Variants in XKR9 observed in about 807,000 individuals in gnomAD.
XKR9 encodes XK-related protein 9.
A neutral mutation model predicts 32.0 loss-of-function variants in XKR9; 32 were observed. The ratio of observed to expected loss-of-function variants is 1.00; its 90% CI spans 0.76 to 1.34. The LOEUF (loss-of-function observed/expected upper bound fraction) is 1.34, where lower values mean the gene tolerates loss of function less well. Among genes scored for constraint, XKR9 ranks in the 40% most tolerant of loss-of-function variants. The probability of loss-of-function intolerance (pLI) is 0.00; values close to 1 mark genes in which losing one functional copy is unlikely to be tolerated. For missense variants in XKR9, 546 were observed against 429.7 expected, an observed-to-expected ratio of 1.27 and a Z score of -2.39; for synonymous variants, 168 against 143.4, an observed-to-expected ratio of 1.17 and a Z score of -1.22.
intron 2 of XKR9, among the ~76,000 whole-genome samples, chr8:70,782,644 A>G (rs1487952714): frequency 1.3e-5 from 2 of 152,016 alleles, no homozygotes; most frequent in Non-Finnish European, 1.5e-5. Context: ...TGATTGTTTT[A>G]GATTTCACAT....
At chr8:70,876,482 T>G in the XKR9 span, among the ~76,000 whole-genome samples, 1 of 152,134 alleles carries the variant, frequency 6.6e-6, no homozygotes, top group Admixed American at 6.6e-5. Flanking sequence ...CTCTTGACTC[T>G]TGCATAGAAT....
the XKR9 span, among the ~76,000 whole-genome samples, chr8:70,958,008 A>T: frequency 6.6e-6 from 1 of 151,904 alleles, no homozygotes; most frequent in Non-Finnish European, 1.5e-5. Context: ...GGCTGGTCTT[A>T]AACTCTCGAT....
At chr8:70,882,293 C>G in the XKR9 span, among the ~76,000 whole-genome samples, 1 of 151,402 alleles carries the variant, frequency 6.6e-6, no homozygotes, top group Non-Finnish European at 1.5e-5. Context: ...CTTTTATTTA[C>G]AAAAATATTT....
At chr8:70,714,324 A>T (rs1019949804) in intron 4 of XKR9, among the ~76,000 whole-genome samples, 17 of 152,256 alleles carry the variant, frequency 1.1e-4, no homozygotes, top group African/African-American at 4.1e-4. Context: ...TTAAAACAAG[A>T]AAATAAATTA....
chr8:70,906,104 C>T, the XKR9 span, among the ~76,000 whole-genome samples: 5 of 152,176 alleles, frequency 3.3e-5, no homozygotes, highest in African/African-American at 9.6e-5. Context: ...GCAGTCTGTC[C>T]GTTCTCATAT....
Position 70,755,587 on chromosome 8 carries a change from T to G in XKR9, n.353-33752T>G, listed in dbSNP as rs1280346937. ...TGGAATACTATGCAGCCATAAAAAA[T>G]GATGAGTTCATGTCCTTTGTAGGGA... On this transcript the variant is annotated intron_variant and non_coding_transcript_variant, in intron 2 of 3. Coordinates refer to the XKR9 transcript ENST00000520273. 2.0e-5 allele frequency among the ~76,000 whole-genome samples: 3 copies of G among 152,004 alleles called. 1 individual carries two copies. Among genetic ancestry groups the G allele is most frequent in the African/African-American group, 7.2e-5 (3 of 41,380 alleles).
At chr8:70,790,437 A>G (rs1257589427), downstream of XKR9, 4 of 152,122 alleles carry the variant, frequency 2.6e-5, no homozygotes, top group Non-Finnish European at 4.4e-5. Flanking sequence ...TTCTCATTTC[A>G]GAGAAGCTTA....
chr8:70,998,017 G>T, the XKR9 span, among the ~76,000 whole-genome samples: 1 of 152,040 alleles, frequency 6.6e-6, no homozygotes, highest in Admixed American at 6.6e-5. Context: ...CCTGTGAAGA[G>T]CCAACGTGAT....
chr8:70,922,900 A>T, the XKR9 span, among the ~76,000 whole-genome samples: 1 of 152,240 alleles, frequency 6.6e-6, no homozygotes. Flanking sequence ...GGGTTTACAG[A>T]TGTGCAGTCA....
At chr8:70,696,754 A>G (rs1805292566) in intron 3 of XKR9, among the ~76,000 whole-genome samples, 1 of 151,104 alleles carries the variant, frequency 6.6e-6, no homozygotes, top group African/African-American at 2.4e-5. Flanking sequence ...ATGACATTGA[A>G]TCTATAAATT....
At chr8:71,062,799 T>C in the XKR9 span, among the ~76,000 whole-genome samples, 1 of 152,124 alleles carries the variant, frequency 6.6e-6, no homozygotes, top group Non-Finnish European at 1.5e-5. Flanking sequence ...AATGATTTTT[T>C]TCTAATACCT....
the XKR9 span, among the ~76,000 whole-genome samples, chr8:70,894,235 G>A: frequency 1.3e-4 from 19 of 151,654 alleles, no homozygotes; most frequent in East Asian, 3.9e-4. Flanking sequence ...TACTAGATTC[G>A]GTGAGACCAG....
the XKR9 span, among the ~76,000 whole-genome samples, chr8:70,963,162 C>T: frequency 1.3e-5 from 2 of 152,066 alleles, no homozygotes; most frequent in African/African-American, 4.8e-5. Context: ...GCTCCCACCT[C>T]ATGTGTCCAT....
At chr8:70,869,336 A>C in the XKR9 span, among the ~76,000 whole-genome samples, 1 of 152,224 alleles carries the variant, frequency 6.6e-6, no homozygotes, top group Non-Finnish European at 1.5e-5. Flanking sequence ...ACAGTTCCAC[A>C]TGGCTGGGGA....
intron 2 of XKR9, among the ~76,000 whole-genome samples, chr8:70,751,683 G>A (rs1807144271): frequency 6.6e-6 from 1 of 152,116 alleles, no homozygotes; most frequent in South Asian, 2.1e-4. Flanking sequence ...ACCTCCTCCT[G>A]CCCTTGGACA....
At chr8:70,786,003 T>A (rs1333805322) in intron 2 of XKR9, among the ~76,000 whole-genome samples, 1 of 152,026 alleles carries the variant, frequency 6.6e-6, no homozygotes, top group Admixed American at 6.6e-5. Context: ...AAGATAGTTT[T>A]AAATTTCCCT....
the XKR9 span, among the ~76,000 whole-genome samples, chr8:70,807,892 TCAG>T: frequency 6.6e-6 from 1 of 152,186 alleles, no homozygotes; most frequent in Admixed American, 6.5e-5. Context: ...GGACTTGAAC[TCAG>T]CTCTGGATCA....
the XKR9 span, among the ~76,000 whole-genome samples, chr8:70,900,947 T>C: frequency 6.6e-6 from 1 of 152,168 alleles, no homozygotes; most frequent in African/African-American, 2.4e-5. Context: ...CTGAGAATGA[T>C]GGTTTCCAGC....
chr8:70,805,884 C>A, the XKR9 span, among the ~76,000 whole-genome samples: 2 of 152,102 alleles, frequency 1.3e-5, no homozygotes, highest in African/African-American at 2.4e-5. Flanking sequence ...TGAAGCACAC[C>A]CCCTCCACCA....
Sources: allele counts gnomAD v4.1 joint callset (sites outside exome capture counted in the v4.1 genomes callset), GRCh38; gene constraint gnomAD v4.1.1; transcripts MANE v1.5; gene names NCBI Gene and HGNC (gene_info 2026-07-23, HGNC 2026-07-21).